The following TGS1 variants were observed in gnomAD, a reference collection of about 807,000 sequenced individuals.
TGS1 encodes the protein trimethylguanosine synthase.
Under a neutral mutation model 92.2 loss-of-function variants are expected in TGS1, and 69 were observed. The ratio of observed to expected loss-of-function variants is 0.75; its 90% CI spans 0.62 to 0.91. The LOEUF (loss-of-function observed/expected upper bound fraction) is 0.91, where lower values mean the gene tolerates loss of function less well. TGS1 is among the 40% of genes least tolerant of loss of function. The pLI, the probability that TGS1 is intolerant of heterozygous loss-of-function variation, is 0.00. For synonymous variants in TGS1, 345 were observed against 338.1 expected, an observed-to-expected ratio of 1.02 and a Z score of -0.22; for missense variants, 1,062 against 1,001.2, an observed-to-expected ratio of 1.06 and a Z score of -0.82.
chr8:55,810,539 C>G (rs1298967801), intron 10 of TGS1, among the ~76,000 whole-genome samples: 1 of 152,186 alleles, frequency 6.6e-6, no homozygotes, highest in Non-Finnish European at 1.5e-5. Flanking sequence ...AGTCAGTGAC[C>G]TTTTCCTACT....
At position 55,826,036 on chromosome 8, in the gene TGS1, G is replaced by A. The variant is rs528264540; in HGVS notation, c.*1333G>A. ...CAGCTAATTTTTTATATTTTTAGTA[G>A]CTATGGGGTTTCACCGTGTTAGCCA... On this transcript the variant is annotated 3_prime_UTR_variant, in exon 13 of 13. Transcript: ENST00000260129. 6.6e-6 allele frequency among the ~76,000 whole-genome samples: 1 copy of A among 151,902 alleles called. No homozygotes were observed. Among genetic ancestry groups the A allele is most frequent in the East Asian group, 1.9e-4 (1 of 5,164 alleles).
chr8:55,803,765 C>G (rs1330386534), intron 9 of TGS1, among the ~76,000 whole-genome samples: 2 of 150,678 alleles, frequency 1.3e-5, no homozygotes, highest in Non-Finnish European at 2.9e-5. Flanking sequence ...ACAATCTTGG[C>G]TCAGCAACCT....
intron 12 of TGS1, among the ~76,000 whole-genome samples, chr8:55,816,769 A>T (rs1366230120): frequency 6.6e-6 from 1 of 152,176 alleles, no homozygotes; most frequent in Admixed American, 6.5e-5. Flanking sequence ...TTTCCTCATA[A>T]AGCGGAGAAG....
chr8:55,774,668 C>T (rs919827625), intron 1 of TGS1, among the ~76,000 whole-genome samples: 3 of 151,950 alleles, frequency 2.0e-5, no homozygotes, highest in African/African-American at 7.3e-5. Flanking sequence ...GACATTCTGT[C>T]CTTACATGTA....
intron 9 of TGS1, 129 bp from the exon 10 acceptor site, chr8:55,804,764 T>C (rs1812316252): frequency 1.3e-6 from 1 of 772,260 alleles, no homozygotes; most frequent in African/African-American, 1.8e-5. Flanking sequence ...AACTGGGTGA[T>C]TTATAATTTT....
chr8:55,793,947 A>C (rs1390429224), intron 6 of TGS1, among the ~76,000 whole-genome samples: 1 of 151,852 alleles, frequency 6.6e-6, no homozygotes, highest in Non-Finnish European at 1.5e-5. Flanking sequence ...CTCTTTGTGT[A>C]AAACAGAAAA....
chr8:55,797,044 C>T (rs373981396), intron 7 of TGS1, among the ~76,000 whole-genome samples: 2 of 151,774 alleles, frequency 1.3e-5, no homozygotes, highest in Non-Finnish European at 2.9e-5. Context: ...GGAACAATTT[C>T]TCATCTGTTT....
Position 55,805,047 on chromosome 8 carries a change from A to G in TGS1, c.2143+11A>G, listed in dbSNP as rs745813758. Reference sequence around the variant, plus strand: ...TAACAGGAATGAGAGGTAATTAGCCATCAATGGAAGTGAACTATTTTATGT... The same window carrying G: ...TAACAGGAATGAGAGGTAATTAGCCGTCAATGGAAGTGAACTATTTTATGT... On this transcript the variant is annotated intron_variant, in intron 10 of 12. Coordinates refer to ENST00000260129, the MANE Select transcript of TGS1 (RefSeq NM_024831.8). 6.2e-7 allele frequency: 1 copy of G among 1,612,498 alleles called. No homozygotes were observed. Among genetic ancestry groups the G allele is most frequent in the Admixed American group, 1.7e-5 (1 of 59,962 alleles).
chr8:55,785,058 G>T (rs1374993946), intron 2 of TGS1, among the ~76,000 whole-genome samples: 10 of 143,570 alleles, frequency 7.0e-5, no homozygotes, highest in African/African-American at 2.4e-4. Context: ...GGTGTTTTTT[G>T]TTTTTTGTTT....
chr8:55,786,158 A>T (rs553146463), intron 3 of TGS1, 80 bp from the exon 4 acceptor site: 1 of 862,568 alleles, frequency 1.2e-6, no homozygotes, highest in East Asian at 2.7e-5. Context: ...GTTTAATTTA[A>T]TGTCAAAATA....
chr8:55,784,601 T>C (rs1811656436), intron 2 of TGS1, among the ~76,000 whole-genome samples: 1 of 152,180 alleles, frequency 6.6e-6, no homozygotes, highest in Non-Finnish European at 1.5e-5. Flanking sequence ...CATAAGCCAC[T>C]GTGCCCAACC....
intron 10 of TGS1, among the ~76,000 whole-genome samples, chr8:55,807,389 CTG>C (rs912722956): frequency 2.6e-5 from 4 of 152,176 alleles, no homozygotes; most frequent in African/African-American, 9.7e-5. Flanking sequence ...ACCCCTCCCA[CTG>C]TGTAACTGCC....
At position 55,824,807 on chromosome 8, in the gene TGS1, T is replaced by C; in HGVS notation, c.*104T>C. On this transcript the variant is annotated 3_prime_UTR_variant, in exon 13 of 13. Coordinates refer to ENST00000260129, the MANE Select transcript of TGS1 (RefSeq NM_024831.8). ...TCACTGATATTTTCTACCCATGGTC[T>C]TATATCACCGTATGAAATGGAAACT... is the stretch of plus-strand genomic sequence containing the variant. 1.5e-6 allele frequency: 2 copies of C among 1,333,082 alleles called. No homozygotes were observed. The highest frequency in any genetic ancestry group is 2.1e-6 in the Non-Finnish European group (2 of 968,028). 82.6% of individuals were successfully genotyped at this position (1,333,082 alleles called of 1,614,324 possible). A position where few individuals can be genotyped will look rare whatever the true frequency, so the allele number is the denominator to read the frequency against.
At chr8:55,781,035 T>G (rs1451403457) in intron 1 of TGS1, among the ~76,000 whole-genome samples, 2 of 152,218 alleles carry the variant, frequency 1.3e-5, no homozygotes, top group Non-Finnish European at 2.9e-5. Flanking sequence ...ACTTGGTTCC[T>G]TTCGTGGAAA....
At chr8:55,787,572 T>G (rs888097246) in intron 4 of TGS1, among the ~76,000 whole-genome samples, 13 of 152,216 alleles carry the variant, frequency 8.5e-5, no homozygotes, top group African/African-American at 3.1e-4. Flanking sequence ...GATAAGGAAC[T>G]TGATTGATTC....
At position 55,825,821 on chromosome 8, in the gene TGS1, G is replaced by T. The variant is rs1401704725; in HGVS notation, c.*1118G>T. 6.6e-6 allele frequency among the ~76,000 whole-genome samples: 1 copy of T among 151,788 alleles called. No individual in the cohort carries two copies. The highest frequency in any genetic ancestry group is 2.4e-5 in the African/African-American group (1 of 41,328). On this transcript the variant is annotated 3_prime_UTR_variant, in exon 13 of 13. Transcript: ENST00000260129. ...GGTGAAATTACTTTTTCATTAATTC[G>T]CAATTTCAAAATCTGTCCAAATGTT...
intron 1 of TGS1, among the ~76,000 whole-genome samples, chr8:55,779,362 G>A (rs1041535229): frequency 9.9e-5 from 15 of 152,156 alleles, no homozygotes; most frequent in Admixed American, 8.5e-4. Context: ...CAGCAGCCTT[G>A]GAACATACGG....
chr8:55,785,738 A>G lies in TGS1; in HGVS notation c.186A>G (p.Glu62=), dbSNP rs1811689181. The G allele has an allele frequency of 3.1e-6, 5 of 1,608,882 alleles. No individual in the cohort carries two copies. The highest frequency in any genetic ancestry group is 4.2e-6 in the Non-Finnish European group (5 of 1,178,280). ...CTATAGGAGACCAGGCGACAGAAGA[A>G]GAGGAAGGTGGTTATTCCTGTGGTA... The part of the protein sequence containing the change: ...GNNSGDQATE[E]EEGGYSCGTA... The change falls in exon 3 of 13, where the codon GAA becomes GAG. Residue 62 remains glutamate, a synonymous_variant. Transcript: ENST00000260129.
Position 55,811,975 on chromosome 8 carries a change from T to C in TGS1, c.2360+878T>C, listed in dbSNP as rs894963408. The stretch of plus-strand genomic sequence containing the variant: ...GACTAGAACACATACATTGGACTTA[T>C]TGTCTTGTGAATTGGGAATTTCCTG... On this transcript the variant is annotated intron_variant, in intron 11 of 12. Coordinates refer to ENST00000260129, the MANE Select transcript of TGS1 (RefSeq NM_024831.8). Among the ~76,000 whole-genome samples, 5 of 152,310 alleles carry C rather than the reference T, an allele frequency of 3.3e-5. No homozygotes were observed. The East Asian group carries it at 5.8e-4, about 18-fold the overall frequency.
Sources: gnomAD v4.1 joint callset for allele counts (sites outside exome capture counted in the v4.1 genomes callset) on GRCh38, gnomAD v4.1.1 for gene constraint, MANE v1.5 for transcripts, NCBI Gene and HGNC (gene_info 2026-07-23, HGNC 2026-07-21) for gene names.